The following RARB variants were observed in gnomAD, a reference collection of about 807,000 sequenced individuals.
RARB encodes the protein HBV-activated protein.
In RARB, 17 loss-of-function variants were observed where a neutral mutation model predicts 51.9. The observed-to-expected ratio is 0.33, with a 90% CI of 0.22 to 0.49. RARB has a LOEUF of 0.49. Among genes scored for constraint, RARB ranks in the 20% least tolerant of loss-of-function variants. The probability of loss-of-function intolerance (pLI) is 0.99; values close to 1 mark genes in which losing one functional copy is unlikely to be tolerated. For missense variants in RARB, 369 were observed against 550.8 expected (o/e 0.67, Z 3.30); for synonymous variants, 215 against 195.4 (o/e 1.10, Z -0.84).
chr3:25,542,070 A>G (rs1699406687), intron 3 of RARB, among the ~76,000 whole-genome samples: 2 of 152,254 alleles, frequency 1.3e-5, no homozygotes, highest in African/African-American at 4.8e-5. Context: ...AGGGCTGGCA[A>G]AGAAGAGGTT....
intron 5 of RARB, among the ~76,000 whole-genome samples, chr3:25,279,134 C>T (rs548923414): frequency 2.6e-5 from 4 of 152,280 alleles, no homozygotes; most frequent in Admixed American, 6.5e-5. Context: ...GCCCCAGAAA[C>T]GGTGCAAGTA....
At chr3:24,978,000 G>C (rs966459926) in intron 2 of RARB, among the ~76,000 whole-genome samples, 1 of 152,066 alleles carries the variant, frequency 6.6e-6, no homozygotes, top group African/African-American at 2.4e-5. Context: ...TTTCTGCATT[G>C]ATTGAGATAA....
At chr3:25,174,597 T>C in intron 5 of RARB, 1 of 1,351,222 alleles carries the variant, frequency 7.4e-7, no homozygotes, top group Admixed American at 1.9e-5. Context: ...TGGAATTTGC[T>C]CTCTTTTCTC....
chr3:25,341,179 C>G (rs1250267304), intron 5 of RARB, among the ~76,000 whole-genome samples: 1 of 152,152 alleles, frequency 6.6e-6, no homozygotes, highest in Non-Finnish European at 1.5e-5. Context: ...TTACTCATAT[C>G]TAAACTGTGG....
chr3:24,994,025 G>A (rs1696970436), intron 2 of RARB, among the ~76,000 whole-genome samples: 2 of 152,126 alleles, frequency 1.3e-5, no homozygotes, highest in Non-Finnish European at 2.9e-5. Flanking sequence ...ATTCCCAGTA[G>A]TGGAATTGCT....
At chr3:25,165,702 T>A (rs1404431743) in intron 4 of RARB, among the ~76,000 whole-genome samples, 1 of 152,176 alleles carries the variant, frequency 6.6e-6, no homozygotes, top group Non-Finnish European at 1.5e-5. Flanking sequence ...GGAATATACA[T>A]GAAAAGACCT....
chr3:25,307,385 TC>T (rs1328966440), intron 5 of RARB, among the ~76,000 whole-genome samples: 16 of 145,738 alleles, frequency 1.1e-4, no homozygotes, highest in African/African-American at 4.1e-4. Flanking sequence ...AAACTCTGTC[TC>T]AAAAAAAAAA....
At chr3:25,147,760 G>A (rs1559482998) in intron 4 of RARB, among the ~76,000 whole-genome samples, 1 of 152,230 alleles carries the variant, frequency 6.6e-6, no homozygotes, top group Non-Finnish European at 1.5e-5. Flanking sequence ...CACTGTTGCA[G>A]TTTCCATTGC....
At chr3:25,378,912 G>T (rs1192732498) in intron 5 of RARB, among the ~76,000 whole-genome samples, 1 of 152,190 alleles carries the variant, frequency 6.6e-6, no homozygotes, top group Non-Finnish European at 1.5e-5. Flanking sequence ...TCAGACAAAA[G>T]GGATCAATGA....
intron 5 of RARB, among the ~76,000 whole-genome samples, chr3:25,328,246 G>A (rs1704783144): frequency 6.6e-6 from 1 of 152,244 alleles, no homozygotes; most frequent in Admixed American, 6.5e-5. Context: ...TAGGCCGGGT[G>A]CAGTGGCTTA....
intron 3 of RARB, among the ~76,000 whole-genome samples, chr3:25,526,269 G>C (rs1280119139): frequency 1.3e-5 from 2 of 152,172 alleles, no homozygotes; most frequent in East Asian, 1.9e-4. Flanking sequence ...GAAGGAAGTG[G>C]TCCAATATGT....
intron 7 of RARB, 38 bp downstream of exon 7, chr3:25,594,716 G>T: frequency 6.7e-7 from 1 of 1,495,104 alleles, no homozygotes; most frequent in Non-Finnish European, 8.9e-7. Context: ...GTCACACAGT[G>T]GACTTGAGGG....
rs185477616 is a variant in RARB at position 25,181,779 on chromosome 3, T to C, written c.178+7204T>C. On this transcript the variant is annotated intron_variant, in intron 5 of 11. Coordinates refer to the RARB transcript ENST00000383772. Reference sequence around the variant, plus strand: ...AATTGCCATGCAAGTCAGTAGTAGGTTGATCTTTGTTCTGTTGGGAACTCT... The same window carrying C: ...AATTGCCATGCAAGTCAGTAGTAGGCTGATCTTTGTTCTGTTGGGAACTCT... Among the ~76,000 whole-genome samples, 254 of 152,340 alleles carry C rather than the reference T, an allele frequency of 1.7e-3. 1 individual carries two copies. Among genetic ancestry groups the C allele is most frequent in the Non-Finnish European group, 2.6e-3 (174 of 68,036 alleles).
At chr3:25,059,231 G>A (rs1295630922) in intron 2 of RARB, among the ~76,000 whole-genome samples, 1 of 151,748 alleles carries the variant, frequency 6.6e-6, no homozygotes, top group East Asian at 1.9e-4. Flanking sequence ...CACTATTTAT[G>A]TACATTCGTT....
intron 5 of RARB, among the ~76,000 whole-genome samples, chr3:25,213,813 G>C (rs1021928801): frequency 4.6e-5 from 7 of 152,114 alleles, no homozygotes; most frequent in African/African-American, 1.7e-4. Context: ...GCAAGGGAGG[G>C]CACCTTCCAT....
intron 2 of RARB, among the ~76,000 whole-genome samples, chr3:24,903,001 A>T (rs1703640091): frequency 6.6e-6 from 1 of 152,110 alleles, no homozygotes; most frequent in Admixed American, 6.6e-5. Flanking sequence ...AGACGCCTCT[A>T]AGCTGAAGAG....
intron 2 of RARB, among the ~76,000 whole-genome samples, chr3:24,927,396 A>G (rs1293688279): frequency 6.6e-6 from 1 of 152,048 alleles, no homozygotes; most frequent in Non-Finnish European, 1.5e-5. Flanking sequence ...ATGAATTTGT[A>G]TTTTGTAAGG....
intron 1 of RARB, among the ~76,000 whole-genome samples, chr3:24,843,802 A>G (rs1702450100): frequency 6.6e-6 from 1 of 152,088 alleles, no homozygotes. Context: ...AAGCACTGAG[A>G]TAGACCATGA....
intron 2 of RARB, chr3:25,020,139 ATT>A (rs1697600848): frequency 5.2e-5 from 1 of 19,052 alleles, no homozygotes; most frequent in African/African-American, 8.5e-4. Context: ...TATTATTATT[ATT>A]ATTATTATTA....
Sources: gnomAD v4.1 joint callset for allele counts (sites outside exome capture counted in the v4.1 genomes callset) on GRCh38, gnomAD v4.1.1 for gene constraint, MANE v1.5 for transcripts, NCBI Gene and HGNC (gene_info 2026-07-23, HGNC 2026-07-21) for gene names.